Variants in HTR1F observed in about 807,000 individuals in gnomAD.
The protein encoded by HTR1F is 5-hydroxytryptamine receptor 1F.
Under a neutral mutation model 24.0 loss-of-function variants are expected in HTR1F, and 17 were observed. That is an observed-to-expected ratio of 0.71 (90% CI 0.48 to 1.06). HTR1F has a LOEUF of 1.06. Among genes scored for constraint, HTR1F ranks in the 50% least tolerant of loss-of-function variants. The pLI, the probability that HTR1F is intolerant of heterozygous loss-of-function variation, is 0.00. For missense variants in HTR1F, 391 were observed against 427.8 expected, an observed-to-expected ratio of 0.91 and a Z score of 0.76; for synonymous variants, 186 against 156.8, an observed-to-expected ratio of 1.19 and a Z score of -1.39.
At chr3:87,924,444 A>C (rs1704079208) in intron 2 of HTR1F, among the ~76,000 whole-genome samples, 1 of 151,422 alleles carries the variant, frequency 6.6e-6, no homozygotes, top group Non-Finnish European at 1.5e-5. Flanking sequence ...TTTCTTTCTC[A>C]GTTGTATGTC....
intron 2 of HTR1F, among the ~76,000 whole-genome samples, chr3:87,913,645 C>A (rs1272451432): frequency 6.6e-6 from 1 of 152,038 alleles, no homozygotes; most frequent in African/African-American, 2.4e-5. Flanking sequence ...GTTGATTGCA[C>A]CACTATTCAC....
At chr3:87,945,072 C>CCG (rs1021600495) in intron 2 of HTR1F, among the ~76,000 whole-genome samples, 27 of 151,660 alleles carry the variant, frequency 1.8e-4, no homozygotes, top group African/African-American at 6.3e-4. Context: ...TCTCTCTTCT[C>CCG]TGTCTCTCTC....
chr3:87,931,026 C>CTTTTTTTTTTTTTTTTTTTTTCCT (rs34617109), intron 2 of HTR1F, among the ~76,000 whole-genome samples: 4 of 131,824 alleles, frequency 3.0e-5, no homozygotes, highest in Non-Finnish European at 6.5e-5. Context: ...ATAGTCTTTC[C>CTTTTTTTTTTTTTTTTTTTTTCCT]TTTTTTTTTT....
At chr3:87,952,360 G>A (rs1704852186) in intron 2 of HTR1F, among the ~76,000 whole-genome samples, 1 of 151,918 alleles carries the variant, frequency 6.6e-6, no homozygotes, top group Non-Finnish European at 1.5e-5. Flanking sequence ...AGCAACTGAG[G>A]CTACCAGAAT....
At chr3:87,954,972 G>A (rs1704913018) in intron 2 of HTR1F, among the ~76,000 whole-genome samples, 1 of 151,302 alleles carries the variant, frequency 6.6e-6, no homozygotes, top group South Asian at 2.1e-4. Flanking sequence ...TCTGCTTGGA[G>A]AATGTTCTGG....
At chr3:87,836,763 C>T (rs1704691433) in intron 2 of HTR1F, among the ~76,000 whole-genome samples, 1 of 152,122 alleles carries the variant, frequency 6.6e-6, no homozygotes, top group Non-Finnish European at 1.5e-5. Context: ...TCTTCTGAAA[C>T]TAAGGGTCAG....
intron 1 of HTR1F, among the ~76,000 whole-genome samples, chr3:87,816,549 GAAGTAC>G (rs1237188094): frequency 2.0e-5 from 3 of 151,996 alleles, no homozygotes; most frequent in Non-Finnish European, 4.4e-5. Flanking sequence ...TCTCAACTCA[GAAGTAC>G]TTAACAATCA....
Position 87,981,816 on chromosome 3 carries a change from A to G in HTR1F, c.-42-8892A>G, listed in dbSNP as rs534063335. 1.5e-3 allele frequency among the ~76,000 whole-genome samples: 229 copies of G among 152,332 alleles called. 2 individuals carry two copies. Among genetic ancestry groups the G allele is most frequent in the Non-Finnish European group, 2.8e-3 (190 of 68,032 alleles). The stretch of plus-strand genomic sequence containing the variant: ...TCTAAGATTGTCATTGTTGCAATTT[A>G]ATTATTTTCTCAAGTGTGGCAGACT... On this transcript the variant is annotated intron_variant, in intron 2 of 2. Transcript: ENST00000319595.
At chr3:87,861,112 G>A (rs1466133726) in intron 2 of HTR1F, among the ~76,000 whole-genome samples, 14 of 152,056 alleles carry the variant, frequency 9.2e-5, no homozygotes, top group South Asian at 6.2e-4. Flanking sequence ...AGCCAAGATC[G>A]CACCACTGCA....
At chr3:87,828,319 A>G (rs1452706050) in intron 2 of HTR1F, among the ~76,000 whole-genome samples, 1 of 152,204 alleles carries the variant, frequency 6.6e-6, no homozygotes. Context: ...AAGCACTAAA[A>G]AAATTAGGCT....
At chr3:87,867,979 A>T (rs1705465102) in intron 2 of HTR1F, among the ~76,000 whole-genome samples, 1 of 152,128 alleles carries the variant, frequency 6.6e-6, no homozygotes, top group African/African-American at 2.4e-5. Flanking sequence ...AAATGATTTA[A>T]CTATGGCTTA....
At chr3:87,866,281 G>T (rs1705424719) in intron 2 of HTR1F, among the ~76,000 whole-genome samples, 2 of 152,186 alleles carry the variant, frequency 1.3e-5, no homozygotes. Flanking sequence ...TGCCCCATCA[G>T]AGGTAGGGTC....
intron 2 of HTR1F, among the ~76,000 whole-genome samples, chr3:87,862,644 AACCC>A (rs1705341266): frequency 6.6e-6 from 1 of 152,126 alleles, no homozygotes; most frequent in Non-Finnish European, 1.5e-5. Context: ...CTTTTCTAGA[AACCC>A]ACTCTTTATG....
intron 1 of HTR1F, among the ~76,000 whole-genome samples, chr3:87,806,478 C>T (rs772608363): frequency 6.6e-6 from 1 of 151,972 alleles, no homozygotes; most frequent in Non-Finnish European, 1.5e-5. Flanking sequence ...TTACATTCCC[C>T]TTGTCCTTTG....
At chr3:87,923,417 CT>C (rs1402830129) in intron 2 of HTR1F, among the ~76,000 whole-genome samples, 1 of 151,872 alleles carries the variant, frequency 6.6e-6, no homozygotes, top group East Asian at 1.9e-4. Context: ...TCATCAATTT[CT>C]TTCATCAGTG....
At chr3:87,856,866 T>C (rs1226160654) in intron 2 of HTR1F, among the ~76,000 whole-genome samples, 5 of 152,140 alleles carry the variant, frequency 3.3e-5, no homozygotes, top group Admixed American at 3.3e-4. Flanking sequence ...TAATCTAATC[T>C]GTAGAGCCCC....
chr3:87,940,665 G>T (rs1704546276), intron 2 of HTR1F, among the ~76,000 whole-genome samples: 3 of 152,134 alleles, frequency 2.0e-5, no homozygotes, highest in Admixed American at 2.0e-4. Context: ...AGCCCATATA[G>T]CCAAGACACT....
chr3:87,929,823 C>T (rs949611551), intron 2 of HTR1F, among the ~76,000 whole-genome samples: 1 of 152,076 alleles, frequency 6.6e-6, no homozygotes, highest in Non-Finnish European at 1.5e-5. Flanking sequence ...ATAGTTTTTT[C>T]TAGTTCTTTG....
intron 1 of HTR1F, among the ~76,000 whole-genome samples, chr3:87,817,107 G>T (rs6799017): frequency 0.45 from 68,792 of 151,966 alleles, 19,046 homozygotes; most frequent in South Asian, 0.64. Context: ...GCACACACAA[G>T]ATATCCCACA....
Sources: allele counts gnomAD v4.1 joint callset (sites outside exome capture counted in the v4.1 genomes callset), GRCh38; gene constraint gnomAD v4.1.1; transcripts MANE v1.5; gene names NCBI Gene and HGNC (gene_info 2026-07-23, HGNC 2026-07-21).